YARS2: variants seen among roughly 807,000 people sequenced by gnomAD.
YARS2 encodes tyrosine--tRNA ligase, mitochondrial.
Under a neutral mutation model 45.0 loss-of-function variants are expected in YARS2, and 38 were observed. The observed-to-expected ratio is 0.84, with a 90% confidence interval of 0.65 to 1.11. The LOEUF is 1.11. Among genes scored for constraint, YARS2 ranks in the 50% least tolerant of loss-of-function variants. The pLI, the probability that YARS2 is intolerant of heterozygous loss-of-function variation, is 0.00. For missense variants in YARS2, 602 were observed against 599.8 expected (o/e 1.00, Z -0.04); for synonymous variants, 287 against 245.1 (o/e 1.17, Z -1.60).
rs1565555674 is a variant in YARS2, at chr12:32,746,906, A to T, written c.*298T>A. The T allele has an allele frequency of 3.0e-6, 1 of 329,720 alleles. No individual in the cohort carries two copies. Among genetic ancestry groups the T allele is most frequent in the Non-Finnish European group, 5.7e-6 (1 of 176,490 alleles). The allele number at this position is 329,720 out of a possible 1,614,324, so 20.4% of individuals were successfully genotyped here. A position where few individuals can be genotyped will look rare whatever the true frequency, so the allele number is the denominator to read the frequency against. On this transcript the variant is annotated 3_prime_UTR_variant, in exon 5 of 5. Coordinates refer to ENST00000324868, the MANE Select transcript of YARS2 (RefSeq NM_001040436.3). ...TACAAAAAGGAGAGCAGGAAGGGTA[A>T]GATAGGAAAGCAGCATTTCTTTCTC...
rs751680385 is a variant in YARS2 at position 32,755,537 on chromosome 12, C to T, written c.338G>A (p.Gly113Glu). 6.2e-7 allele frequency: 1 copy of T among 1,613,346 alleles called. No individual in the cohort carries two copies. Among genetic ancestry groups the T allele is most frequent in the Non-Finnish European group, 8.5e-7 (1 of 1,179,822 alleles). Residue 113 changes from glycine to glutamate, a missense_variant, in exon 1 of 5, where the codon GGA becomes GAA. Coordinates refer to ENST00000324868, the MANE Select transcript of YARS2 (RefSeq NM_001040436.3). ...RAGHNVIALV[G>E]GATARLGDPS... The stretch of plus-strand genomic sequence containing the variant: ...GTCTCCCAGGCGCGCCGTGGCGCCT[C>T]CCACCAGCGCGATCACGTTGTGGCC...
intron 2 of YARS2, among the ~76,000 whole-genome samples, chr12:32,751,110 A>C (rs930298342): frequency 6.8e-6 from 1 of 147,892 alleles, no homozygotes; most frequent in African/African-American, 2.5e-5. Flanking sequence ...GCTGTTGCCC[A>C]GGCTGGAGTG....
intron 4 of YARS2, among the ~76,000 whole-genome samples, chr12:32,748,849 C>T (rs1245895972): frequency 6.6e-6 from 1 of 152,168 alleles, no homozygotes; most frequent in Non-Finnish European, 1.5e-5. Flanking sequence ...ATGATATGGC[C>T]GATAACCATT....
chr12:32,750,192 C>A, intron 3 of YARS2, 85 bp from the exon 4 acceptor site: 1 of 1,548,696 alleles, frequency 6.5e-7, no homozygotes, highest in South Asian at 1.2e-5. Flanking sequence ...TATAGAGTGT[C>A]CAAGTTCTAG....
rs1565560017 is a variant in YARS2 at position 32,754,067 on chromosome 12, T to C, written c.798A>G (p.Val266=). 4 of 1,614,192 alleles carry C rather than the reference T, an allele frequency of 2.5e-6. No homozygotes were observed. Among genetic ancestry groups the C allele is most frequent in the Non-Finnish European group, 3.4e-6 (4 of 1,180,042 alleles). Residue 266 remains valine (V), a synonymous_variant, in exon 2 of 5, where the codon GTA becomes GTG. Coordinates refer to ENST00000324868, the MANE Select transcript of YARS2 (RefSeq NM_001040436.3). ...TAATTAGAGGAACGGTGATTCCAAA[T>C]ACATCTTCTCCAGTCAACCTACGCA... ...EFINKLTGED[V]FGITVPLITS... is the part of the protein sequence containing the mutation.
chr12:32,752,747 A>T, intron 2 of YARS2: 1 of 295,278 alleles, frequency 3.4e-6, no homozygotes, highest in South Asian at 2.3e-5. Context: ...CCTCAAAAAA[A>T]AAAAAAAAAA....
Position 32,755,548 on chromosome 12 carries a change from G to C in YARS2, c.327C>G (p.Ile109Met), listed in dbSNP as rs886049304. ...FHLQRAGHNV[I>M]ALVGGATARL... is the part of the protein sequence containing the mutation. ...GCGCCGTGGCGCCTCCCACCAGCGC[G>C]ATCACGTTGTGGCCCGCTCGCTGCA... Residue 109 changes from isoleucine (I) to methionine (M), a missense_variant, in exon 1 of 5, where the codon ATC becomes ATG. Ile to Met is a conservative substitution (Grantham distance 10). Transcript: ENST00000324868. 4.3e-6 allele frequency: 7 copies of C among 1,613,486 alleles called. No individual in the cohort carries two copies. In the East Asian group the frequency reaches 1.6e-4, roughly 36 times the overall value.
Position 32,754,025 on chromosome 12 carries a change from T to C in YARS2, c.840A>G (p.Ala280=), listed in dbSNP as rs1225904588. 6.2e-7 allele frequency: 1 copy of C among 1,614,098 alleles called. No individual in the cohort carries two copies. The highest frequency in any genetic ancestry group is 2.2e-5 in the East Asian group (1 of 44,904). The stretch of plus-strand genomic sequence containing the variant: ...CGTTGCCAGCAGACTTTCCCAGCTT[T>C]GCTCCAGTTGTACTTGTAATTAGAG... ...TVPLITSTTG[A]KLGKSAGNAV... is the part of the protein sequence containing the mutation. Residue 280 remains alanine, a synonymous_variant, in exon 2 of 5, where the codon GCA becomes GCG. Transcript: ENST00000324868.
rs1262547395 is a variant in YARS2 at position 32,753,999 on chromosome 12, G to T, written c.866C>A (p.Ala289Asp). 6.2e-7 allele frequency: 1 copy of T among 1,614,094 alleles called. No homozygotes were observed. Among genetic ancestry groups the T allele is most frequent in the African/African-American group, 1.3e-5 (1 of 74,946 alleles). ...GAKLGKSAGN[A>D]VWLNRDKTSP... is the part of the protein sequence containing the mutation. ...TGTCTTATCTCTGTTTAGCCAAACA[G>T]CGTTGCCAGCAGACTTTCCCAGCTT... The change falls in exon 2 of 5, where the codon GCT (alanine) becomes GAT (aspartate). Residue 289 changes from alanine (A) to aspartate (D), a missense_variant. By Grantham distance (126) the Ala-to-Asp change is moderately radical. Coordinates refer to ENST00000324868, the MANE Select transcript of YARS2 (RefSeq NM_001040436.3).
intron 4 of YARS2, among the ~76,000 whole-genome samples, 169 bp from the exon 5 acceptor site, chr12:32,747,532 T>C (rs1955666170): frequency 1.3e-5 from 2 of 152,212 alleles, no homozygotes; most frequent in South Asian, 4.1e-4. Flanking sequence ...TCTGCCTCTC[T>C]TTACTGCTCT....
chr12:32,753,713 C>CCA (rs1471645742), intron 2 of YARS2, among the ~76,000 whole-genome samples: 1 of 152,158 alleles, frequency 6.6e-6, no homozygotes, highest in Non-Finnish European at 1.5e-5. Context: ...CATTTTCTAG[C>CCA]CACCCACTGT....
chr12:32,751,475 C>A (rs375273875), intron 2 of YARS2, among the ~76,000 whole-genome samples: 9 of 152,158 alleles, frequency 5.9e-5, no homozygotes, highest in Admixed American at 6.5e-5. Flanking sequence ...TTATGTGCTG[C>A]CATCTTTCCC....
rs147551647 is a variant in YARS2 at position 32,753,935 on chromosome 12, C to T, written c.930G>A (p.Pro310=). ...GAACTCACCTTTCCACTGAATCGTC[C>T]GGTTGCCTGACAAAGAATTGATACA... ...FELYQFFVRQ[P]DDSVERYLKL... The change falls in exon 2 of 5, where the codon CCG becomes CCA. Residue 310 remains proline, a synonymous_variant. Coordinates refer to ENST00000324868, the MANE Select transcript of YARS2 (RefSeq NM_001040436.3). 2,223 of 1,614,140 alleles carry T rather than the reference C, an allele frequency of 1.4e-3. 5 individuals carry two copies. Among genetic ancestry groups the T allele is most frequent in the African/African-American group, 2.2e-3 (162 of 75,042 alleles).
At chr12:32,749,232 G>C (rs1955694325) in intron 4 of YARS2, among the ~76,000 whole-genome samples, 1 of 152,070 alleles carries the variant, frequency 6.6e-6, no homozygotes, top group Non-Finnish European at 1.5e-5. Flanking sequence ...ATATAAAAAG[G>C]ATACAGACTA....
chr12:32,754,169 G>A, intron 1 of YARS2, 84 bp from the exon 2 acceptor site: 1 of 1,547,434 alleles, frequency 6.5e-7, no homozygotes, highest in Non-Finnish European at 8.9e-7. Context: ...TTTCTTTCTG[G>A]TTACTTGCTC....
At chr12:32,750,159 T>C (rs573053300) in intron 3 of YARS2, 52 bp from the exon 4 acceptor site, 3 of 1,605,136 alleles carry the variant, frequency 1.9e-6, no homozygotes, top group Admixed American at 1.7e-5. Context: ...TTCAAATACA[T>C]GTTCTAATAC....
At chr12:32,752,784 C>T (rs1209186675) in intron 2 of YARS2, 7 of 316,910 alleles carry the variant, frequency 2.2e-5, no homozygotes, top group Admixed American at 1.1e-4. Context: ...ATTCTCAATA[C>T]ATCAAAACCC....
At chr12:32,751,016 G>T in intron 2 of YARS2, 142 bp from the exon 3 acceptor site, 1 of 914,888 alleles carries the variant, frequency 1.1e-6, no homozygotes, top group Non-Finnish European at 1.6e-6. Context: ...TAGGTCCCAT[G>T]CACACATCAC....
chr12:32,748,249 C>A (rs1955679039), intron 4 of YARS2, among the ~76,000 whole-genome samples: 1 of 151,888 alleles, frequency 6.6e-6, no homozygotes, highest in Admixed American at 6.6e-5. Flanking sequence ...CCCAAGCAAT[C>A]CTCCCGCCCT....
Sources: allele counts gnomAD v4.1 joint callset (sites outside exome capture counted in the v4.1 genomes callset), GRCh38; gene constraint gnomAD v4.1.1; transcripts MANE v1.5; gene names NCBI Gene and HGNC (gene_info 2026-07-23, HGNC 2026-07-21).